GLI3: variants seen among roughly 807,000 people sequenced by gnomAD.
The protein encoded by GLI3 is transcription activator GLI3.
In GLI3, 20 loss-of-function variants were observed where a neutral mutation model predicts 100.8. That is an observed-to-expected ratio of 0.20 (90% CI 0.14 to 0.29). GLI3 has a LOEUF of 0.29. Among genes scored for constraint, GLI3 ranks in the 10% least tolerant of loss-of-function variants. The pLI is 1.00. For synonymous variants in GLI3, 938 were observed against 860.5 expected (o/e 1.09, Z -1.58); for missense variants, 2,040 against 2,128.5 (o/e 0.96, Z 0.82).
Position 42,219,562 on chromosome 7 carries a change from T to A in GLI3, c.124+3568A>T, listed in dbSNP as rs1319651609. On this transcript the variant is annotated intron_variant, in intron 2 of 14. Coordinates refer to ENST00000395925, the MANE Select transcript of GLI3 (RefSeq NM_000168.6). The stretch of plus-strand genomic sequence containing the variant: ...TACCTTTTGGTTGTGGGTCTGCGTA[T>A]GTTTAAACAAAACTCTATACGCATG... Among the ~76,000 whole-genome samples the A allele has an allele frequency of 3.3e-5, 5 of 152,234 alleles. No individual in the cohort carries two copies. In the East Asian group the frequency reaches 9.6e-4, roughly 29 times the overall value.
intron 3 of GLI3, among the ~76,000 whole-genome samples, chr7:42,135,963 C>T (rs952025399): frequency 6.6e-6 from 1 of 152,192 alleles, no homozygotes; most frequent in Non-Finnish European, 1.5e-5. Context: ...TTCCCACCAC[C>T]TCCTCCCCTG....
intron 4 of GLI3, among the ~76,000 whole-genome samples, chr7:42,054,475 G>T (rs1293200488): frequency 6.6e-6 from 1 of 152,122 alleles, no homozygotes; most frequent in Middle Eastern, 3.2e-3. Flanking sequence ...CTGCATCTCT[G>T]CATGACTGCT....
chr7:42,160,443 C>T (rs372113154), intron 2 of GLI3, among the ~76,000 whole-genome samples: 103 of 152,312 alleles, frequency 6.8e-4, no homozygotes, highest in African/African-American at 2.3e-3. Context: ...TTCACATACA[C>T]CTCATATCCA....
At chr7:42,105,711 C>G (rs1014212378) in intron 3 of GLI3, among the ~76,000 whole-genome samples, 1 of 152,162 alleles carries the variant, frequency 6.6e-6, no homozygotes, top group African/African-American at 2.4e-5. Flanking sequence ...AATCCTCCCA[C>G]TTAGGGCTGG....
intron 3 of GLI3, among the ~76,000 whole-genome samples, chr7:42,079,719 T>G (rs1375283230): frequency 6.6e-6 from 1 of 152,252 alleles, no homozygotes; most frequent in African/African-American, 2.4e-5. Context: ...GTATTTTCAC[T>G]TCTTTATTTC....
At chr7:42,099,509 T>C (rs1339679513) in intron 3 of GLI3, among the ~76,000 whole-genome samples, 6 of 152,328 alleles carry the variant, frequency 3.9e-5, no homozygotes, top group African/African-American at 1.4e-4. Context: ...AATGAACATA[T>C]TATATTTATT....
chr7:42,187,338 A>G (rs1175860687), intron 2 of GLI3, among the ~76,000 whole-genome samples: 1 of 152,150 alleles, frequency 6.6e-6, no homozygotes, highest in Non-Finnish European at 1.5e-5. Flanking sequence ...TTTGATATCT[A>G]GGATATTATT....
intron 2 of GLI3, among the ~76,000 whole-genome samples, chr7:42,167,837 A>G (rs1187970142): frequency 6.6e-6 from 1 of 152,226 alleles, no homozygotes; most frequent in East Asian, 1.9e-4. Flanking sequence ...GTAAAAAGCA[A>G]CTATAAAAAT....
At chr7:41,999,898 G>A (rs1788237905) in intron 10 of GLI3, among the ~76,000 whole-genome samples, 1 of 152,140 alleles carries the variant, frequency 6.6e-6, no homozygotes, top group Non-Finnish European at 1.5e-5. Flanking sequence ...TCATGGATAG[G>A]GCCTCAGACC....
intron 3 of GLI3, among the ~76,000 whole-genome samples, chr7:42,103,119 G>GA (rs1785503456): frequency 7.3e-6 from 1 of 136,346 alleles, no homozygotes; most frequent in African/African-American, 2.7e-5. Context: ...CTGACTGGGG[G>GA]AGAGTATGTT....
At chr7:42,026,152 C>T (rs1020282145) in intron 8 of GLI3, 47 bp downstream of exon 8, 1 of 1,391,096 alleles carries the variant, frequency 7.2e-7, no homozygotes, top group South Asian at 1.2e-5. Context: ...CCTGCCCCCA[C>T]CCTCGGCTGA....
At chr7:42,136,234 C>T (rs1786425134) in intron 3 of GLI3, among the ~76,000 whole-genome samples, 1 of 152,172 alleles carries the variant, frequency 6.6e-6, no homozygotes. Flanking sequence ...GCACCATTAA[C>T]GAAGCAGATG....
intron 7 of GLI3, among the ~76,000 whole-genome samples, chr7:42,032,322 G>A (rs945438382): frequency 1.3e-5 from 2 of 151,988 alleles, no homozygotes; most frequent in Non-Finnish European, 2.9e-5. Context: ...AATCATGTTT[G>A]GCTTTCACAA....
At chr7:42,198,164 C>T (rs1787968770) in intron 2 of GLI3, among the ~76,000 whole-genome samples, 2 of 152,156 alleles carry the variant, frequency 1.3e-5, no homozygotes, top group Non-Finnish European at 2.9e-5. Context: ...GTTCCAAGCA[C>T]TGAGACACTA....
intron 3 of GLI3, among the ~76,000 whole-genome samples, chr7:42,091,324 C>T (rs1469631606): frequency 6.6e-6 from 1 of 152,218 alleles, no homozygotes; most frequent in African/African-American, 2.4e-5. Context: ...GCCTTCACTG[C>T]CCAGGTACAG....
intron 10 of GLI3, among the ~76,000 whole-genome samples, chr7:41,981,800 G>A (rs754333765): frequency 5.3e-5 from 8 of 152,302 alleles, no homozygotes; most frequent in Middle Eastern, 3.4e-3. Context: ...TGAGGGATCC[G>A]GCACTGAGCA....
At chr7:41,990,531 T>C (rs1031958316) in intron 10 of GLI3, among the ~76,000 whole-genome samples, 28 of 152,204 alleles carry the variant, frequency 1.8e-4, no homozygotes, top group Admixed American at 1.7e-3. Context: ...AACAATCAGC[T>C]CTTGAACTGG....
chr7:42,026,436 A>G (rs759754822), intron 7 of GLI3, 24 bp from the exon 8 acceptor site: 4 of 1,564,302 alleles, frequency 2.6e-6, no homozygotes, highest in Non-Finnish European at 2.6e-6. Flanking sequence ...ATAAAAAAAG[A>G]CGATCATCAC....
chr7:42,257,284 G>A (rs551163493), intron 1 of GLI3, among the ~76,000 whole-genome samples: 1 of 148,092 alleles, frequency 6.8e-6, no homozygotes, highest in East Asian at 2.0e-4. Context: ...CTATTGCACT[G>A]GCTCTCTGGT....
Sources: allele counts gnomAD v4.1 joint callset (sites outside exome capture counted in the v4.1 genomes callset), GRCh38; gene constraint gnomAD v4.1.1; transcripts MANE v1.5; gene names NCBI Gene and HGNC (gene_info 2026-07-23, HGNC 2026-07-21).